The following C20orf203 variants were observed in gnomAD, a reference collection of about 807,000 sequenced individuals.
The protein encoded by C20orf203 is uncharacterized protein C20orf203.
C20orf203 carries 16 observed loss-of-function variants against 15.9 expected under a neutral mutation model. The observed-to-expected ratio is 1.01, with a 90% CI of 0.68 to 1.53. The LOEUF is 1.53. Ranked by LOEUF, C20orf203 falls within the 40% of genes most tolerant of loss-of-function variation. The probability of loss-of-function intolerance (pLI) is 0.00; values close to 1 mark genes in which losing one functional copy is unlikely to be tolerated. For missense variants in C20orf203, 263 were observed against 247.5 expected, an observed-to-expected ratio of 1.06 and a Z score of -0.42; for synonymous variants, 98 against 97.2, an observed-to-expected ratio of 1.01 and a Z score of -0.05.
intron 4 of C20orf203, among the ~76,000 whole-genome samples, chr20:32,645,165 G>C (rs748984894): frequency 6.6e-6 from 1 of 152,122 alleles, no homozygotes; most frequent in Non-Finnish European, 1.5e-5. Context: ...TGGGTTTGTC[G>C]CTCGATGTCC....
intron 4 of C20orf203, among the ~76,000 whole-genome samples, chr20:32,647,785 A>ACGGGT (rs1254684548): frequency 6.6e-6 from 1 of 152,194 alleles, no homozygotes; most frequent in Non-Finnish European, 1.5e-5. Context: ...TGAAACTACC[A>ACGGGT]CGGGTCGGGG....
intron 5 of C20orf203, among the ~76,000 whole-genome samples, chr20:32,639,302 C>T (rs965682797): frequency 2.6e-5 from 4 of 152,254 alleles, no homozygotes; most frequent in African/African-American, 9.6e-5. Flanking sequence ...GTCTGGGAAA[C>T]AGTAACAGTC....
chr20:32,659,709 G>T (rs962084029), intron 1 of C20orf203, among the ~76,000 whole-genome samples: 14 of 152,308 alleles, frequency 9.2e-5, no homozygotes, highest in Admixed American at 3.3e-4. Context: ...AGAGGGGAAG[G>T]CCACTTGTCC....
At chr20:32,638,665 C>T (rs574848209) in intron 5 of C20orf203, among the ~76,000 whole-genome samples, 1 of 152,334 alleles carries the variant, frequency 6.6e-6, no homozygotes, top group East Asian at 1.9e-4. Flanking sequence ...ACAGGAGGGA[C>T]CGGGTCTGAC....
At chr20:32,671,668 T>C (rs1250708273) in intron 1 of C20orf203, among the ~76,000 whole-genome samples, 1 of 151,240 alleles carries the variant, frequency 6.6e-6, no homozygotes, top group Non-Finnish European at 1.5e-5. Context: ...GGAGAAACCC[T>C]GTCTCTACTA....
At chr20:32,639,627 TAAA>T (rs11353903) in intron 5 of C20orf203, among the ~76,000 whole-genome samples, 10 of 129,218 alleles carry the variant, frequency 7.7e-5, no homozygotes, top group Admixed American at 1.5e-4. Context: ...TTTTAAATAG[TAAA>T]AAAAAAAAAA....
intron 5 of C20orf203, among the ~76,000 whole-genome samples, chr20:32,638,342 C>G (rs763661555): frequency 3.3e-5 from 5 of 152,110 alleles, no homozygotes; most frequent in Non-Finnish European, 7.4e-5. Flanking sequence ...GGCTGGGGAG[C>G]CTAAGTGACT....
chr20:32,667,517 C>T (rs1301652760), intron 1 of C20orf203, among the ~76,000 whole-genome samples: 1 of 152,196 alleles, frequency 6.6e-6, no homozygotes, highest in African/African-American at 2.4e-5. Flanking sequence ...TCCATGTAAC[C>T]CTGTTCCTAT....
chr20:32,650,813 G>A lies in C20orf203; in HGVS notation c.204C>T (p.Thr68=). 6.7e-7 allele frequency: 1 copy of A among 1,484,838 alleles called. No individual in the cohort carries two copies. The highest frequency in any genetic ancestry group is 2.5e-5 in the East Asian group (1 of 40,342). 92.0% of individuals were successfully genotyped at this position (1,484,838 alleles called of 1,614,324 possible). A position where few individuals can be genotyped will look rare whatever the true frequency, so the allele number is the denominator to read the frequency against. Reference sequence around the variant, plus strand: ...GGGGGTGGACTCGCTGAGCCTTTGAGGTCCTCCTTCCCGCCCCACCGCCAA... The same window carrying A: ...GGGGGTGGACTCGCTGAGCCTTTGAAGTCCTCCTTCCCGCCCCACCGCCAA... ...WDLGGGAGRR[T]SKAQRVHPQP... The change falls in exon 4 of 6, where the codon ACC becomes ACT. Residue 68 remains threonine, a synonymous_variant. Transcript: ENST00000608990.
chr20:32,639,769 G>A (rs1343188488), intron 5 of C20orf203, among the ~76,000 whole-genome samples: 1 of 151,936 alleles, frequency 6.6e-6, no homozygotes, highest in Non-Finnish European at 1.5e-5. Context: ...AGGCCACCTT[G>A]GCCACTGCCC....
chr20:32,670,322 T>C lies in C20orf203; in HGVS notation c.-264+3310A>G, dbSNP rs551303514. 8.7e-4 allele frequency among the ~76,000 whole-genome samples: 132 copies of C among 151,076 alleles called. 2 individuals carry two copies. The highest frequency in any genetic ancestry group is 4.6e-4 in the Admixed American group (7 of 15,186). The stretch of plus-strand genomic sequence containing the variant: ...GAGTTCAAGACCAGCTTGGCCAACA[T>C]GGTGAAACCTTGTCTCTACTAAATA... On this transcript the variant is annotated intron_variant, in intron 1 of 5. Coordinates refer to ENST00000608990, the MANE Select transcript of C20orf203 (RefSeq NM_182584.4).
In C20orf203 at chr20:32,642,513, G is replaced by A. The variant is rs138944033; in HGVS notation, c.*1178-1826C>T. On this transcript the variant is annotated intron_variant, in intron 4 of 5. Transcript: ENST00000608990. ...GTAGAGATAACACTTTTGGCGCGGCGAGAGGCCACCAGGCAACTGCCTCTT... is the reference window on the plus strand; with the variant it reads ...GTAGAGATAACACTTTTGGCGCGGCAAGAGGCCACCAGGCAACTGCCTCTT... 4.1e-3 allele frequency among the ~76,000 whole-genome samples: 618 copies of A among 152,344 alleles called. 4 individuals carry two copies. Among genetic ancestry groups the A allele is most frequent in the African/African-American group, 0.013 (559 of 41,570 alleles).
intron 4 of C20orf203, among the ~76,000 whole-genome samples, chr20:32,647,945 C>T (rs1392418797): frequency 2.0e-5 from 3 of 152,158 alleles, no homozygotes; most frequent in African/African-American, 7.2e-5. Context: ...CTCCCCAATC[C>T]ATTGATGGCA....
At chr20:32,657,516 C>A (rs1400061820) in intron 1 of C20orf203, 1 of 150,948 alleles carries the variant, frequency 6.6e-6, no homozygotes, top group Non-Finnish European at 1.5e-5. Flanking sequence ...ACAACAACAA[C>A]AAAGGAGTTT....
chr20:32,651,365 G>T (rs1218853804), intron 2 of C20orf203, among the ~76,000 whole-genome samples, 199 bp from the exon 3 acceptor site: 2 of 151,002 alleles, frequency 1.3e-5, no homozygotes, highest in African/African-American at 4.9e-5. Flanking sequence ...AAAAGGAAAA[G>T]AAACGAGAAA....
At chr20:32,652,643 G>A (rs1982664136) in intron 1 of C20orf203, among the ~76,000 whole-genome samples, 1 of 151,572 alleles carries the variant, frequency 6.6e-6, no homozygotes, top group African/African-American at 2.4e-5. Flanking sequence ...GTGGTTTTTG[G>A]AGACTACACT....
Position 32,649,242 on chromosome 20 carries a change from T to C in C20orf203, c.*1177+13A>G, listed in dbSNP as rs922648727. 4 of 152,340 alleles carry C rather than the reference T, an allele frequency of 2.6e-5. No individual in the cohort carries two copies. The highest frequency in any genetic ancestry group is 7.2e-5 in the African/African-American group (3 of 41,466). 9.4% of individuals were successfully genotyped at this position (152,340 alleles called of 1,614,324 possible). On this transcript the variant is annotated intron_variant, in intron 4 of 5. Coordinates refer to ENST00000608990, the MANE Select transcript of C20orf203 (RefSeq NM_182584.4). The stretch of plus-strand genomic sequence containing the variant: ...AGCCAGGTATGGGGGCATGTGCCTA[T>C]AGTCCCACCTACCAGGGAGGCTGAG...
At chr20:32,636,284 C>G (rs1045932877) in intron 5 of C20orf203, among the ~76,000 whole-genome samples, 2 of 152,206 alleles carry the variant, frequency 1.3e-5, no homozygotes, top group Non-Finnish European at 2.9e-5. Flanking sequence ...AATGAACACC[C>G]TTCGCTTAGA....
intron 1 of C20orf203, among the ~76,000 whole-genome samples, chr20:32,656,396 G>A (rs185809199): frequency 1.0e-3 from 156 of 152,304 alleles, no homozygotes; most frequent in African/African-American, 3.6e-3. Flanking sequence ...ATAATAACAA[G>A]TGTTGATGAG....
Sources: gnomAD v4.1 joint callset for allele counts (sites outside exome capture counted in the v4.1 genomes callset) on GRCh38, gnomAD v4.1.1 for gene constraint, MANE v1.5 for transcripts, NCBI Gene and HGNC (gene_info 2026-07-23, HGNC 2026-07-21) for gene names.